C9: variants seen among roughly 807,000 people sequenced by gnomAD.
C9 encodes the protein complement C9.
A neutral mutation model predicts 65.4 loss-of-function variants in C9; 63 were observed. The observed-to-expected ratio is 0.96, with a 90% CI of 0.79 to 1.19. The LOEUF (loss-of-function observed/expected upper bound fraction) is 1.19, where lower values mean the gene tolerates loss of function less well. Among genes scored for constraint, C9 ranks in the 50% most tolerant of loss-of-function variants. The pLI, the probability that C9 is intolerant of heterozygous loss-of-function variation, is 0.00. For missense variants in C9, 744 were observed against 670.1 expected, an observed-to-expected ratio of 1.11 and a Z score of -1.22; for synonymous variants, 229 against 227.9, an observed-to-expected ratio of 1.00 and a Z score of -0.04.
chr5:39,285,201 A>G lies in C9; in HGVS notation c.1678T>C (p.Ter560GlnextTer6), dbSNP rs1269235854. 10 of 1,612,750 alleles carry G rather than the reference A, an allele frequency of 6.2e-6. No individual in the cohort carries two copies. Among genetic ancestry groups the G allele is most frequent in the Admixed American group, 3.3e-5 (2 of 59,942 alleles). ...GGAGCTCAGAGAAGCCAACAGCTCT[A>G]TTTTTCATTGGGGAACTCTAGGGCT... ...LPALEFPNEK[*>Q] Residue 560 changes from the stop codon to glutamine, a stop_lost, in exon 11 of 11, where the codon TAG becomes CAG. Transcript: ENST00000263408.
At chr5:39,347,075 G>GT (rs1417811575) in intron 1 of C9, among the ~76,000 whole-genome samples, 5 of 152,096 alleles carry the variant, frequency 3.3e-5, no homozygotes, top group African/African-American at 1.2e-4. Flanking sequence ...ATACTGAATG[G>GT]GCAAAAACTG....
chr5:39,286,633 A>T (rs552452142), intron 10 of C9, among the ~76,000 whole-genome samples: 8 of 152,158 alleles, frequency 5.3e-5, no homozygotes, highest in African/African-American at 1.9e-4. Flanking sequence ...AATCACAGAG[A>T]AATCAGCAGA....
intron 5 of C9, among the ~76,000 whole-genome samples, chr5:39,330,331 T>C (rs758515996): frequency 1.5e-4 from 23 of 152,178 alleles, no homozygotes; most frequent in Admixed American, 3.9e-4. Flanking sequence ...TCCAGGGTTA[T>C]GGATAAGGGA....
intron 1 of C9, among the ~76,000 whole-genome samples, chr5:39,342,877 T>C (rs550136004): frequency 6.6e-6 from 1 of 152,224 alleles, no homozygotes; most frequent in Non-Finnish European, 1.5e-5. Flanking sequence ...AACTTTCCTT[T>C]CTCCGTTGGT....
chr5:39,340,106 A>G (rs1376100495), intron 4 of C9, among the ~76,000 whole-genome samples: 1 of 152,158 alleles, frequency 6.6e-6, no homozygotes, highest in African/African-American at 2.4e-5. Flanking sequence ...AAAGAAATTC[A>G]GTCTTACATG....
At chr5:39,336,017 CTTAAGA>C (rs1403076894) in intron 4 of C9, among the ~76,000 whole-genome samples, 5 of 152,014 alleles carry the variant, frequency 3.3e-5, no homozygotes, top group African/African-American at 9.7e-5. Context: ...TATTTTTCAT[CTTAAGA>C]TTAAGTAGAT....
chr5:39,337,204 T>C (rs550298395), intron 4 of C9, among the ~76,000 whole-genome samples: 11 of 152,328 alleles, frequency 7.2e-5, no homozygotes, highest in African/African-American at 2.6e-4. Flanking sequence ...AATTAATAGT[T>C]GAGGAAACTA....
In C9 at chr5:39,334,601, G is replaced by A. The variant is rs542789854; in HGVS notation, c.477-2787C>T. Among the ~76,000 whole-genome samples, 101 of 149,766 alleles carry A rather than the reference G, an allele frequency of 6.7e-4. 4 individuals carry two copies. The highest frequency in any genetic ancestry group is 2.1e-3 in the African/African-American group (82 of 39,604). The stretch of plus-strand genomic sequence containing the variant: ...AGCCCCCCGCCCGGCCAGCTGCCCC[G>A]TCTGGGAGGTGAGGGGCGCCTCTGC... On this transcript the variant is annotated intron_variant, in intron 4 of 10. Coordinates refer to ENST00000263408, the MANE Select transcript of C9 (RefSeq NM_001737.5).
chr5:39,347,250 C>A (rs1476948702), intron 1 of C9, among the ~76,000 whole-genome samples: 1 of 152,174 alleles, frequency 6.6e-6, no homozygotes, highest in Non-Finnish European at 1.5e-5. Context: ...TTGCAGATGA[C>A]ACGACTGTAT....
chr5:39,305,280 A>G (rs896301053), intron 9 of C9, among the ~76,000 whole-genome samples: 1 of 152,146 alleles, frequency 6.6e-6, no homozygotes, highest in Non-Finnish European at 1.5e-5. Flanking sequence ...TCATAAATAC[A>G]TTGCATATCT....
chr5:39,354,440 C>A lies in C9; in HGVS notation c.77+9948G>T, dbSNP rs700218. On this transcript the variant is annotated intron_variant, in intron 1 of 10. Transcript: ENST00000263408. ...AGGCATCAATGTTTTTAAAAAGTTA[C>A]CCAGGTGATTCTCATGTTCAAACAA... 0.022 allele frequency among the ~76,000 whole-genome samples: 3,422 copies of A among 152,262 alleles called. 206 individuals carry two copies. The East Asian group carries it at 0.27, about 12-fold the overall frequency.
chr5:39,341,686 G>T lies in C9; in HGVS notation c.198C>A (p.Ser66Arg). Residue 66 changes from serine to arginine, a missense_variant, in exon 3 of 11, where the codon AGC (serine) becomes AGA (arginine). By Grantham distance (110) the Ser-to-Arg change is moderately radical. Coordinates refer to ENST00000263408, the MANE Select transcript of C9 (RefSeq NM_001737.5). Reference sequence around the variant, plus strand: ...CATTAAATTGTCCAAAGACCTCAATGCTTCTTGAACGAAACTGCACAATAT... The same window carrying T: ...CATTAAATTGTCCAAAGACCTCAATTCTTCTTGAACGAAACTGCACAATAT... ...PCLRQMFRSR[S>R]IEVFGQFNGK... is the part of the protein sequence containing the mutation. The T allele has an allele frequency of 6.2e-7, 1 of 1,613,992 alleles. No homozygotes were observed. The highest frequency in any genetic ancestry group is 8.5e-7 in the Non-Finnish European group (1 of 1,179,880).
chr5:39,328,903 T>C (rs1215417003), intron 5 of C9, among the ~76,000 whole-genome samples: 3 of 152,132 alleles, frequency 2.0e-5, no homozygotes, highest in Non-Finnish European at 4.4e-5. Context: ...CAACAAGAAA[T>C]ACTTGGCAGT....
chr5:39,316,244 T>C (rs995854758), intron 5 of C9, among the ~76,000 whole-genome samples: 1 of 152,184 alleles, frequency 6.6e-6, no homozygotes, highest in African/African-American at 2.4e-5. Context: ...TTAGTATGAT[T>C]CTTAGTCTAT....
chr5:39,312,065 T>G (rs1245974305), intron 6 of C9, among the ~76,000 whole-genome samples: 2 of 152,116 alleles, frequency 1.3e-5, no homozygotes, highest in Non-Finnish European at 2.9e-5. Flanking sequence ...GAATTTTTCT[T>G]GGGGTAAGAA....
At chr5:39,329,030 GA>G (rs1467640974) in intron 5 of C9, among the ~76,000 whole-genome samples, 2 of 152,152 alleles carry the variant, frequency 1.3e-5, no homozygotes, top group Non-Finnish European at 2.9e-5. Flanking sequence ...TTTTCATGGA[GA>G]CTCAGATTTA....
chr5:39,358,259 C>G (rs1391284013), intron 1 of C9, among the ~76,000 whole-genome samples: 1 of 152,110 alleles, frequency 6.6e-6, no homozygotes, highest in African/African-American at 2.4e-5. Flanking sequence ...AGGTGATAGT[C>G]CATTAAGGTC....
chr5:39,346,732 A>G (rs1221613315), intron 1 of C9, among the ~76,000 whole-genome samples: 1 of 152,386 alleles, frequency 6.6e-6, no homozygotes, highest in Middle Eastern at 3.4e-3. Flanking sequence ...AGAGAATTTT[A>G]GACCAATATC....
chr5:39,295,605 T>C (rs1256340169), intron 9 of C9, among the ~76,000 whole-genome samples: 1 of 151,254 alleles, frequency 6.6e-6, no homozygotes, highest in Non-Finnish European at 1.5e-5. Flanking sequence ...CCAAAAACAA[T>C]CTACAGATTC....
Sources: allele counts gnomAD v4.1 joint callset (sites outside exome capture counted in the v4.1 genomes callset), GRCh38; gene constraint gnomAD v4.1.1; transcripts MANE v1.5; gene names NCBI Gene and HGNC (gene_info 2026-07-23, HGNC 2026-07-21).